The following NELL1 variants were observed in gnomAD, a reference collection of about 807,000 sequenced individuals.
The protein encoded by NELL1 is neural EGFL like 1, also known as protein kinase C-binding protein NELL1.
A neutral mutation model predicts 107.4 loss-of-function variants in NELL1; 76 were observed. The ratio of observed to expected loss-of-function variants is 0.71; its 90% CI spans 0.59 to 0.86. NELL1 has a LOEUF of 0.86. Ranked by LOEUF, NELL1 falls within the 40% of genes least tolerant of loss-of-function variation. The pLI is 0.00. For missense variants in NELL1, 1,024 were observed against 1,005.5 expected (o/e 1.02, Z -0.25); for synonymous variants, 353 against 341.2 (o/e 1.03, Z -0.38).
At chr11:21,290,398 G>GATAAATAGATAAATAGATAA (rs1554995055) in intron 14 of NELL1, among the ~76,000 whole-genome samples, 2 of 146,400 alleles carry the variant, frequency 1.4e-5, no homozygotes, top group African/African-American at 5.1e-5. Context: ...AAAATAAATA[G>GATAAATAGATAAATAGATAA]ATAAATAAAT....
At chr11:21,481,111 T>A (rs935310136) in intron 15 of NELL1, among the ~76,000 whole-genome samples, 2 of 152,194 alleles carry the variant, frequency 1.3e-5, no homozygotes, top group Admixed American at 6.5e-5. Context: ...GAATACTGTG[T>A]AGCACATAAT....
At chr11:20,905,858 T>C (rs898759810) in intron 5 of NELL1, among the ~76,000 whole-genome samples, 2 of 152,094 alleles carry the variant, frequency 1.3e-5, no homozygotes, top group Admixed American at 1.3e-4. Context: ...TAGAAAGTAC[T>C]GGAAAGAAAA....
intron 15 of NELL1, among the ~76,000 whole-genome samples, chr11:21,450,487 T>C (rs1005004984): frequency 6.6e-6 from 1 of 152,246 alleles, no homozygotes; most frequent in African/African-American, 2.4e-5. Context: ...TATAACGTTG[T>C]ATAATTGATA....
chr11:21,147,592 G>A (rs1260522621), intron 13 of NELL1, among the ~76,000 whole-genome samples: 5 of 151,932 alleles, frequency 3.3e-5, no homozygotes, highest in Non-Finnish European at 7.4e-5. Flanking sequence ...CAGCATTTTG[G>A]GAGGCCGAGG....
intron 14 of NELL1, among the ~76,000 whole-genome samples, chr11:21,342,736 A>C (rs1850602333): frequency 6.6e-6 from 1 of 151,960 alleles, no homozygotes; most frequent in Non-Finnish European, 1.5e-5. Context: ...AAAGAGAAAG[A>C]AAGAGAATAG....
At position 20,719,537 on chromosome 11, in the gene NELL1, G is replaced by T. The variant is rs909969227; in HGVS notation, c.184+41477G>T. Among the ~76,000 whole-genome samples, 3 of 152,122 alleles carry T rather than the reference G, an allele frequency of 2.0e-5. No individual in the cohort carries two copies. In the East Asian group the frequency reaches 5.8e-4, roughly 29 times the overall value. ...GATTTAATGGAACAGACATTACAAG[G>T]ATCCTTACCTTAAAAGTTGAGCATG... is the stretch of plus-strand genomic sequence containing the variant. On this transcript the variant is annotated intron_variant, in intron 2 of 19. Transcript: ENST00000357134.
At chr11:21,464,014 C>G (rs1337365113) in intron 15 of NELL1, among the ~76,000 whole-genome samples, 2 of 152,084 alleles carry the variant, frequency 1.3e-5, no homozygotes, top group Admixed American at 6.6e-5. Context: ...ATTTGGGCTT[C>G]CTCAAAGCAT....
intron 3 of NELL1, among the ~76,000 whole-genome samples, chr11:20,786,393 T>G (rs1473738963): frequency 6.7e-6 from 1 of 148,474 alleles, no homozygotes; most frequent in South Asian, 2.1e-4. Context: ...AAGAAAACCG[T>G]GTACAGGGGT....
intron 2 of NELL1, among the ~76,000 whole-genome samples, chr11:20,720,311 G>A (rs910250758): frequency 6.6e-6 from 1 of 151,754 alleles, no homozygotes. Flanking sequence ...GGGTTCAAGC[G>A]ATTCTCCTGC....
chr11:21,195,441 C>A (rs957069804), intron 13 of NELL1, among the ~76,000 whole-genome samples: 4 of 151,898 alleles, frequency 2.6e-5, no homozygotes, highest in Middle Eastern at 3.2e-3. Flanking sequence ...TTGCAAAAAT[C>A]TTAGAGATAT....
rs1467156542 is a variant in NELL1 at position 21,574,997 on chromosome 11, A to G, written c.2408A>G (p.Asp803Gly). 6.2e-7 allele frequency: 1 copy of G among 1,611,116 alleles called. No homozygotes were observed. The highest frequency in any genetic ancestry group is 1.1e-5 in the South Asian group (1 of 90,980). ...AATGGAAGAGTCTGTTGTTCTGTGG[A>G]TTTTGAGTGTCTTCAAAATAATTGA... ...CKNGRVCCSV[D>G]FECLQNN is the part of the protein sequence containing the mutation. Residue 803 changes from aspartate to glycine, a missense_variant, in exon 20 of 20, where the codon GAT (aspartate) becomes GGT (glycine). Coordinates refer to ENST00000357134, the MANE Select transcript of NELL1 (RefSeq NM_006157.5).
chr11:21,316,850 A>G (rs1849890392), intron 14 of NELL1, among the ~76,000 whole-genome samples: 1 of 152,052 alleles, frequency 6.6e-6, no homozygotes, highest in African/African-American at 2.4e-5. Flanking sequence ...GAGCTGGGGA[A>G]GAGGCAGGGA....
At chr11:21,245,462 C>G (rs921755175) in intron 14 of NELL1, among the ~76,000 whole-genome samples, 2 of 152,122 alleles carry the variant, frequency 1.3e-5, no homozygotes, top group African/African-American at 4.8e-5. Context: ...AAGGAAATAT[C>G]TTTTCTCTCA....
chr11:21,031,020 G>A (rs892601462), intron 12 of NELL1, among the ~76,000 whole-genome samples: 3 of 152,076 alleles, frequency 2.0e-5, no homozygotes, highest in Admixed American at 1.3e-4. Flanking sequence ...ATTGTGCACG[G>A]CTTTTCTTAA....
At chr11:21,550,138 A>G (rs1477394399) in intron 16 of NELL1, among the ~76,000 whole-genome samples, 1 of 151,834 alleles carries the variant, frequency 6.6e-6, no homozygotes, top group East Asian at 2.0e-4. Flanking sequence ...TACCTTTTCC[A>G]GGCAGAAACT....
intron 15 of NELL1, among the ~76,000 whole-genome samples, chr11:21,485,215 T>C (rs1207641900): frequency 6.6e-6 from 1 of 152,088 alleles, no homozygotes; most frequent in Non-Finnish European, 1.5e-5. Context: ...AGCTGCAACA[T>C]AGTGCCATTC....
chr11:21,164,515 A>G (rs976481263), intron 13 of NELL1, among the ~76,000 whole-genome samples: 2 of 152,158 alleles, frequency 1.3e-5, no homozygotes, highest in African/African-American at 4.8e-5. Context: ...AGTGACATTT[A>G]TTGGCTAAGT....
At chr11:21,518,159 G>A (rs1322824479) in intron 15 of NELL1, among the ~76,000 whole-genome samples, 1 of 150,068 alleles carries the variant, frequency 6.7e-6, no homozygotes, top group Non-Finnish European at 1.5e-5. Context: ...AAAAGGTGCT[G>A]ATTTTCCCCC....
intron 3 of NELL1, among the ~76,000 whole-genome samples, chr11:20,843,698 A>G (rs1848657906): frequency 6.7e-6 from 1 of 148,810 alleles, no homozygotes. Flanking sequence ...TAATCTCAAA[A>G]TAGGATACTT....
Sources: allele counts gnomAD v4.1 joint callset (sites outside exome capture counted in the v4.1 genomes callset), GRCh38; gene constraint gnomAD v4.1.1; transcripts MANE v1.5; gene names NCBI Gene and HGNC (gene_info 2026-07-23, HGNC 2026-07-21).